The following CENPU variants were observed in gnomAD, a reference collection of about 807,000 sequenced individuals.
The protein encoded by CENPU is KSHV latent nuclear antigen interacting protein 1.
A neutral mutation model predicts 56.7 loss-of-function variants in CENPU; 46 were observed. The observed-to-expected ratio is 0.81, with a 90% confidence interval of 0.64 to 1.04. The LOEUF is 1.04. CENPU is among the 50% of genes least tolerant of loss of function. The pLI, the probability that CENPU is intolerant of heterozygous loss-of-function variation, is 0.00. For missense variants in CENPU, 510 were observed against 490.1 expected (o/e 1.04, Z -0.38); for synonymous variants, 166 against 163.0 (o/e 1.02, Z -0.14).
In CENPU at chr4:184,697,716, TAAG is replaced by T; in HGVS notation, c.1071_1073del (p.Phe357del). On this transcript the variant is annotated inframe_deletion, in exon 12 of 13. Transcript: ENST00000281453. ...CTTGATAAAGCTGTTTTAAATTAGA[TAAG>T]AAATATGCTGCATTCCTAAGGGAAG... The T allele has an allele frequency of 6.2e-7, 1 of 1,612,586 alleles. No individual in the cohort carries two copies. The highest frequency in any genetic ancestry group is 2.2e-5 in the East Asian group (1 of 44,868).
chr4:184,725,179 A>G, intron 3 of CENPU, 117 bp from the exon 4 acceptor site: 1 of 562,718 alleles, frequency 1.8e-6, no homozygotes. Context: ...CAAAATCAAA[A>G]TCAATTACAC....
chr4:184,695,064 T>G lies in CENPU; in HGVS notation c.*224A>C, dbSNP rs1334115178. ...CGATTAAGGTGTCAACATTTTAAAA[T>G]TACTCAAGATATTAACCAGAAAAGA... On this transcript the variant is annotated 3_prime_UTR_variant, in exon 13 of 13. Coordinates refer to ENST00000281453, the MANE Select transcript of CENPU (RefSeq NM_024629.4). 3.8e-6 allele frequency: 2 copies of G among 531,586 alleles called. No homozygotes were observed. Among genetic ancestry groups the G allele is most frequent in the Admixed American group, 3.3e-5 (1 of 30,308 alleles). The allele number at this position is 531,586 out of a possible 1,614,324, so 32.9% of individuals were successfully genotyped here.
At chr4:184,728,260 AC>A (rs1561146776) in intron 3 of CENPU, among the ~76,000 whole-genome samples, 1 of 152,230 alleles carries the variant, frequency 6.6e-6, no homozygotes. Context: ...AATACATTTC[AC>A]CTTATAAAAT....
At position 184,715,272 on chromosome 4, in the gene CENPU, T is replaced by C. The variant is rs557133074; in HGVS notation, c.618+1125A>G. Among the ~76,000 whole-genome samples, 3 of 152,202 alleles carry C rather than the reference T, an allele frequency of 2.0e-5. No homozygotes were observed. In the East Asian group the frequency reaches 5.8e-4, roughly 29 times the overall value. On this transcript the variant is annotated intron_variant, in intron 6 of 12. Transcript: ENST00000281453. The stretch of plus-strand genomic sequence containing the variant: ...AATGAATTAATCACATATTAAGAAC[T>C]TGACCAAAAGATATTATATGTCAAG...
intron 6 of CENPU, among the ~76,000 whole-genome samples, chr4:184,714,265 A>C (rs145675801): frequency 1.3e-5 from 2 of 152,348 alleles, no homozygotes; most frequent in East Asian, 3.9e-4. Context: ...GAAATGCTAG[A>C]AGATATTCTG....
intron 8 of CENPU, among the ~76,000 whole-genome samples, chr4:184,708,177 C>A (rs1174996792): frequency 7.4e-6 from 1 of 135,748 alleles, no homozygotes; most frequent in East Asian, 2.5e-4. Context: ...GGACTGAGAT[C>A]GCGCTACGGC....
intron 8 of CENPU, among the ~76,000 whole-genome samples, chr4:184,708,221 T>C (rs1579768512): frequency 3.9e-5 from 1 of 25,408 alleles, no homozygotes; most frequent in African/African-American, 1.4e-4. Context: ...AGACTCCATC[T>C]CAAAAAAAAA....
At chr4:184,705,972 A>C (rs1760713863) in intron 8 of CENPU, among the ~76,000 whole-genome samples, 4 of 152,194 alleles carry the variant, frequency 2.6e-5, no homozygotes, top group African/African-American at 9.7e-5. Context: ...GAGAATAGAA[A>C]ATTGTGATTT....
At chr4:184,724,781 A>G (rs558544410) in intron 4 of CENPU, among the ~76,000 whole-genome samples, 176 bp downstream of exon 4, 7 of 152,346 alleles carry the variant, frequency 4.6e-5, no homozygotes, top group African/African-American at 1.7e-4. Context: ...CACAGCTATT[A>G]TAATTATCGT....
rs143616614 is a variant in CENPU at position 184,734,016 on chromosome 4, C to T, written c.47G>A (p.Gly16Asp). Residue 16 changes from glycine to aspartate, a missense_variant and splice_region_variant, in exon 1 of 13, where the codon GGC (glycine) becomes GAC (aspartate). Physicochemically the swap from Gly to Asp is moderately conservative, Grantham distance 94. Coordinates refer to ENST00000281453, the MANE Select transcript of CENPU (RefSeq NM_024629.4). The stretch of plus-strand genomic sequence containing the variant: ...GCTCCCGAGGGTCGGCAGTACTTAC[C>T]CCTCAGACCTGTGAGGCCGCGGCCG... ...RRRPRPHRSE[G>D]ARRSKNTLER... The T allele has an allele frequency of 9.5e-5, 152 of 1,606,764 alleles. No individual in the cohort carries two copies. The Middle Eastern group carries it at 1.2e-3, about 12-fold the overall frequency.
intron 1 of CENPU, among the ~76,000 whole-genome samples, chr4:184,732,296 G>C (rs1173631372): frequency 6.6e-6 from 1 of 151,860 alleles, no homozygotes; most frequent in African/African-American, 2.4e-5. Context: ...TCCCAGACTT[G>C]AGTGTCATCA....
At chr4:184,696,342 C>G (rs931623385) in intron 12 of CENPU, among the ~76,000 whole-genome samples, 1 of 152,146 alleles carries the variant, frequency 6.6e-6, no homozygotes, top group Admixed American at 6.5e-5. Context: ...ACAGTTAATA[C>G]AAGAGGAGTG....
chr4:184,702,973 T>A (rs1030028601), intron 8 of CENPU, among the ~76,000 whole-genome samples: 1 of 152,198 alleles, frequency 6.6e-6, no homozygotes, highest in Admixed American at 6.5e-5. Flanking sequence ...CAACCCACAG[T>A]TGATGGGCAC....
intron 12 of CENPU, among the ~76,000 whole-genome samples, chr4:184,695,647 C>T (rs1760262833): frequency 6.6e-6 from 1 of 152,202 alleles, no homozygotes; most frequent in African/African-American, 2.4e-5. Context: ...AGAAGACCAG[C>T]TGATTCAAAG....
Position 184,702,014 on chromosome 4 carries a change from CAG to C in CENPU, c.924+73_924+74del. 3.2e-6 allele frequency: 3 copies of C among 946,894 alleles called. No individual in the cohort carries two copies. In the South Asian group the frequency reaches 4.2e-5, roughly 13 times the overall value. The allele number at this position is 946,894 out of a possible 1,614,324, so 58.7% of individuals were successfully genotyped here. ...ACTCACACTCTAAAGGCTGTAAACC[CAG>C]AGTCAAGTCTTCGCATAACTCTACA... On this transcript the variant is annotated intron_variant, in intron 10 of 12. Transcript: ENST00000281453.
chr4:184,710,676 C>G (rs1255118131), intron 7 of CENPU, among the ~76,000 whole-genome samples: 1 of 152,130 alleles, frequency 6.6e-6, no homozygotes, highest in African/African-American at 2.4e-5. Flanking sequence ...TCTAAGATCT[C>G]AGGCAAGCCA....
At chr4:184,729,879 T>C (rs1319082823) in intron 2 of CENPU, among the ~76,000 whole-genome samples, 1 of 151,988 alleles carries the variant, frequency 6.6e-6, no homozygotes. Context: ...TTCCAGAAAA[T>C]GTGGAAGGGT....
chr4:184,709,620 CAG>C (rs1760854872), intron 8 of CENPU, among the ~76,000 whole-genome samples: 1 of 151,880 alleles, frequency 6.6e-6, no homozygotes, highest in Non-Finnish European at 1.5e-5. Context: ...ATTTGCAAGA[CAG>C]AGCAATTTTA....
intron 8 of CENPU, among the ~76,000 whole-genome samples, chr4:184,702,875 C>T (rs1259520928): frequency 6.6e-6 from 1 of 152,190 alleles, no homozygotes; most frequent in African/African-American, 2.4e-5. Context: ...CCTCCAGCTG[C>T]ATCCATATTG....
Sources: allele counts gnomAD v4.1 joint callset (sites outside exome capture counted in the v4.1 genomes callset), GRCh38; gene constraint gnomAD v4.1.1; transcripts MANE v1.5; gene names NCBI Gene and HGNC (gene_info 2026-07-23, HGNC 2026-07-21).